Variants in PLAGL1 observed in about 807,000 individuals in gnomAD.
PLAGL1 encodes PLAG1 like zinc finger 1, also known as zinc finger protein PLAGL1.
Under a neutral mutation model 4.6 loss-of-function variants are expected in PLAGL1, and 1 was observed. The observed-to-expected ratio is 0.22, with a 90% CI of 0.08 to 1.03. The LOEUF is 1.03. PLAGL1 is among the 50% of genes least tolerant of loss of function. PLAGL1 has a pLI of 0.58. For synonymous variants in PLAGL1, 240 were observed against 237.8 expected (o/e 1.01, Z -0.08); for missense variants, 464 against 570.4 (o/e 0.81, Z 1.90).
At chr6:143,946,356 T>A (rs758304005) in intron 7 of PLAGL1, among the ~76,000 whole-genome samples, 2 of 152,342 alleles carry the variant, frequency 1.3e-5, no homozygotes, top group East Asian at 3.9e-4. Context: ...GTCCTCACTG[T>A]GACTCAGTTG....
chr6:143,992,529 G>A (rs1410811082), intron 1 of PLAGL1, among the ~76,000 whole-genome samples: 1 of 152,204 alleles, frequency 6.6e-6, no homozygotes, highest in Admixed American at 6.5e-5. Context: ...TATGACCTTG[G>A]TTTAGCGGTC....
Position 143,963,612 on chromosome 6 carries a change from T to TA in PLAGL1, c.-399+1174dup, listed in dbSNP as rs1783841254. Among the ~76,000 whole-genome samples, 1 of 152,230 alleles carries TA rather than the reference T, an allele frequency of 6.6e-6. No individual in the cohort carries two copies. Among genetic ancestry groups the TA allele is most frequent in the Non-Finnish European group, 1.5e-5 (1 of 68,046 alleles). On this transcript the variant is annotated intron_variant, in intron 5 of 7. Transcript: ENST00000674357. This position sits in a 1 kb window ranked among gnomAD's most constrained non-coding sequence, Gnocchi z 6.1. ...CATGATCCTACAGCCAGCAAGCAGT[T>TA]AAGCTTGCTGTAGAATCCAGGGTGC... is the stretch of plus-strand genomic sequence containing the variant.
rs1798729551 is a variant in PLAGL1, at chr6:144,053,486, A to G, written c.-151+10982T>C. ...CATTCAAGTATAACATCTTGCTACCACCTATGAGGGATACAAAAGGTCCCA... is the reference window on the plus strand; with the variant it reads ...CATTCAAGTATAACATCTTGCTACCGCCTATGAGGGATACAAAAGGTCCCA... On this transcript the variant is annotated intron_variant, in intron 1 of 3. Coordinates refer to the PLAGL1 transcript ENST00000437412. This position sits in a 1 kb window ranked among gnomAD's most constrained non-coding sequence, Gnocchi z 4.0. 6.6e-6 allele frequency among the ~76,000 whole-genome samples: 1 copy of G among 152,144 alleles called. No individual in the cohort carries two copies. Among genetic ancestry groups the G allele is most frequent in the Non-Finnish European group, 1.5e-5 (1 of 68,030 alleles).
intron 1 of PLAGL1, chr6:144,037,171 T>C (rs544299731): frequency 6.5e-6 from 1 of 153,512 alleles, no homozygotes; most frequent in South Asian, 2.0e-4. Flanking sequence ...AGAGGACCAC[T>C]GAACCATTTA....
At chr6:144,002,411 G>C (rs140797013) in intron 1 of PLAGL1, among the ~76,000 whole-genome samples, 5 of 152,212 alleles carry the variant, frequency 3.3e-5, no homozygotes, top group African/African-American at 1.2e-4. Flanking sequence ...TATTGTTCTA[G>C]AGGTCCCAGC....
In PLAGL1 at chr6:144,030,955, T is replaced by C. The variant is rs1323619024; in HGVS notation, c.-151+33513A>G. On this transcript the variant is annotated intron_variant, in intron 1 of 3. Coordinates refer to the PLAGL1 transcript ENST00000437412. ...ATCTCCACAGTGTTTTCCAAAGTGG[T>C]TGCACTAGTTTACATTCCCGCCAAC... 2.0e-5 allele frequency among the ~76,000 whole-genome samples: 3 copies of C among 152,236 alleles called. No homozygotes were observed. The East Asian group carries it at 5.8e-4, about 29-fold the overall frequency.
chr6:143,991,381 G>C (rs1418439964), intron 1 of PLAGL1, among the ~76,000 whole-genome samples: 1 of 152,172 alleles, frequency 6.6e-6, no homozygotes, highest in Admixed American at 6.5e-5. Context: ...CTTGGAGTCT[G>C]TACCTCTAGA....
In PLAGL1 at chr6:143,949,852, A is replaced by C. The variant is rs565029381; in HGVS notation, c.-324-1392T>G. Among the ~76,000 whole-genome samples, 3 of 152,234 alleles carry C rather than the reference A, an allele frequency of 2.0e-5. No homozygotes were observed. The South Asian group carries it at 6.2e-4, about 32-fold the overall frequency. On this transcript the variant is annotated intron_variant, in intron 6 of 7. Transcript: ENST00000674357. The surrounding 1 kb of genome is among the most constrained non-coding windows in gnomAD (Gnocchi z 5.3). Reference sequence around the variant, plus strand: ...AGTTGCTCTTTATTGTTAAAAGTTAATTTTTACTTACCTTTTTGGTTACTT... The same window carrying C: ...AGTTGCTCTTTATTGTTAAAAGTTACTTTTTACTTACCTTTTTGGTTACTT...
At chr6:143,951,389 T>G (rs116334710) in intron 6 of PLAGL1, among the ~76,000 whole-genome samples, 1 of 152,210 alleles carries the variant, frequency 6.6e-6, no homozygotes, top group Non-Finnish European at 1.5e-5. Flanking sequence ...TCAATTATAC[T>G]GGAAAGAAGT....
In PLAGL1 at chr6:143,985,337, C is replaced by G. The variant is rs964247329; in HGVS notation, c.-583-163G>C. ...ACAAAACAACAGTACAATATCACAACCGATATGTTTATATTAATACCATCT... is the reference window on the plus strand; with the variant it reads ...ACAAAACAACAGTACAATATCACAAGCGATATGTTTATATTAATACCATCT... On this transcript the variant is annotated intron_variant, in intron 1 of 7. Transcript: ENST00000674357. This position sits in a 1 kb window ranked among gnomAD's most constrained non-coding sequence, Gnocchi z 4.4. 2.0e-5 allele frequency: 3 copies of G among 152,146 alleles called. No individual in the cohort carries two copies. Among genetic ancestry groups the G allele is most frequent in the Non-Finnish European group, 2.9e-5 (2 of 68,022 alleles). The allele number at this position is 152,146 out of a possible 1,614,324, so 9.4% of individuals were successfully genotyped here. A position where few individuals can be genotyped will look rare whatever the true frequency, so the allele number is the denominator to read the frequency against.
chr6:143,977,449 TA>T (rs2128596904), intron 2 of PLAGL1, among the ~76,000 whole-genome samples: 12 of 148,380 alleles, frequency 8.1e-5, no homozygotes, highest in African/African-American at 1.2e-4. Context: ...CTTTTTTTTT[TA>T]TTTTTTTCTT....
In PLAGL1 at chr6:143,985,785, G is replaced by A. The variant is rs1023685779; in HGVS notation, c.-583-611C>T. 6.6e-6 allele frequency among the ~76,000 whole-genome samples: 1 copy of A among 151,328 alleles called. No individual in the cohort carries two copies. The highest frequency in any genetic ancestry group is 2.1e-4 in the South Asian group (1 of 4,802). ...CATTTCAAAAATCAAAACGCAAAAA[G>A]TAAGGGAGTCAGAAATGTTGTCTGC... On this transcript the variant is annotated intron_variant, in intron 1 of 7. Coordinates refer to ENST00000674357, the MANE Select transcript of PLAGL1 (RefSeq NM_001317162.2). This position sits in a 1 kb window ranked among gnomAD's most constrained non-coding sequence, Gnocchi z 4.4.
Position 143,947,720 on chromosome 6 carries a change from C to CT in PLAGL1, c.152+264dup, listed in dbSNP as rs1780084636. ...AGCAGTGAGGTTGCATTTTAATTGT[C>CT]TTTTCCTATTTCTCCAGCCATGGGG... On this transcript the variant is annotated intron_variant, in intron 7 of 7. Coordinates refer to ENST00000674357, the MANE Select transcript of PLAGL1 (RefSeq NM_001317162.2). This position sits in a 1 kb window ranked among gnomAD's most constrained non-coding sequence, Gnocchi z 4.3. 6.6e-6 allele frequency among the ~76,000 whole-genome samples: 1 copy of CT among 152,208 alleles called. No individual in the cohort carries two copies. The highest frequency in any genetic ancestry group is 1.5e-5 in the Non-Finnish European group (1 of 68,036).
chr6:143,954,237 C>A lies in PLAGL1; in HGVS notation c.-324-5777G>T, dbSNP rs1458161256. On this transcript the variant is annotated intron_variant, in intron 6 of 7. Transcript: ENST00000674357. This position sits in a 1 kb window ranked among gnomAD's most constrained non-coding sequence, Gnocchi z 5.1. Reference sequence around the variant, plus strand: ...ACTCACAAATTAGTAGGCCAAGGATCACCAGAAATCAGAGGAAGGCACTTA... The same window carrying A: ...ACTCACAAATTAGTAGGCCAAGGATAACCAGAAATCAGAGGAAGGCACTTA... 6.6e-6 allele frequency among the ~76,000 whole-genome samples: 1 copy of A among 152,052 alleles called. No individual in the cohort carries two copies. Among genetic ancestry groups the A allele is most frequent in the Non-Finnish European group, 1.5e-5 (1 of 68,016 alleles).
At position 143,941,284 on chromosome 6, in the gene PLAGL1, T is replaced by G; in HGVS notation, c.*140A>C. 1.6e-6 allele frequency: 1 copy of G among 608,288 alleles called. No homozygotes were observed. Among genetic ancestry groups the G allele is most frequent in the Non-Finnish European group, 2.7e-6 (1 of 369,146 alleles). 37.7% of individuals were successfully genotyped at this position (608,288 alleles called of 1,614,324 possible). On this transcript the variant is annotated 3_prime_UTR_variant, in exon 8 of 8. Transcript: ENST00000674357. The surrounding 1 kb of genome is among the most constrained non-coding windows in gnomAD (Gnocchi z 6.0). ...CACAATACATGCAGTTCGAGAATTC[T>G]CTTATCATCTCAAGCCAGTCATCAC...
intron 1 of PLAGL1, among the ~76,000 whole-genome samples, chr6:144,040,660 T>C (rs1797658648): frequency 6.6e-6 from 1 of 152,198 alleles, no homozygotes; most frequent in African/African-American, 2.4e-5. Context: ...TCAGATCACT[T>C]GAGGCCAGGA....
Position 144,061,433 on chromosome 6 carries a change from C to T in PLAGL1, c.-151+3035G>A, listed in dbSNP as rs2128732425. ...CAGCCACTCCTGAATGTGGCCTTTT[C>T]ACAGCCAGGTGCCTCTGAAACATCG... On this transcript the variant is annotated intron_variant, in intron 1 of 3. Coordinates refer to the PLAGL1 transcript ENST00000437412. The surrounding 1 kb of genome is among the most constrained non-coding windows in gnomAD (Gnocchi z 4.4). 6.6e-6 allele frequency among the ~76,000 whole-genome samples: 1 copy of T among 152,328 alleles called. No homozygotes were observed. Among genetic ancestry groups the T allele is most frequent in the East Asian group, 1.9e-4 (1 of 5,188 alleles).
At chr6:143,951,437 A>T (rs1323550199) in intron 6 of PLAGL1, among the ~76,000 whole-genome samples, 1 of 152,260 alleles carries the variant, frequency 6.6e-6, no homozygotes, top group African/African-American at 2.4e-5. Flanking sequence ...AGGACACAAG[A>T]GGTGGCAAGT....
At position 144,056,833 on chromosome 6, in the gene PLAGL1, T is replaced by A. The variant is rs1466191510; in HGVS notation, c.-151+7635A>T. Among the ~76,000 whole-genome samples the A allele has an allele frequency of 6.6e-6, 1 of 152,042 alleles. No individual in the cohort carries two copies. The highest frequency in any genetic ancestry group is 1.5e-5 in the Non-Finnish European group (1 of 67,982). ...GTGTGTGCCACCATGCTAAGCTAAT[T>A]TTTTTTAATTTTATTTATGCTGCCC... is the stretch of plus-strand genomic sequence containing the variant. On this transcript the variant is annotated intron_variant, in intron 1 of 3. Coordinates refer to the PLAGL1 transcript ENST00000437412. The surrounding 1 kb of genome is among the most constrained non-coding windows in gnomAD (Gnocchi z 4.7).
Sources: allele counts gnomAD v4.1 joint callset (sites outside exome capture counted in the v4.1 genomes callset), GRCh38; gene constraint gnomAD v4.1.1; non-coding constraint Gnocchi (gnomAD v3.1); transcripts MANE v1.5; gene names NCBI Gene and HGNC (gene_info 2026-07-23, HGNC 2026-07-21).